Variants in CYRIA observed in about 807,000 individuals in gnomAD.
The protein encoded by CYRIA is CYFIP related Rac1 interactor A.
A neutral mutation model predicts 43.9 loss-of-function variants in CYRIA; 15 were observed. The ratio of observed to expected loss-of-function variants is 0.34; its 90% CI spans 0.23 to 0.53. CYRIA has a LOEUF of 0.53. Ranked by LOEUF, CYRIA falls within the 20% of genes least tolerant of loss-of-function variation. CYRIA has a pLI of 0.94. For missense variants in CYRIA, 236 were observed against 394.2 expected, an observed-to-expected ratio of 0.60 and a Z score of 3.40; for synonymous variants, 117 against 136.0, an observed-to-expected ratio of 0.86 and a Z score of 0.97.
At chr2:16,644,241 T>G (rs1207468456) in intron 1 of CYRIA, among the ~76,000 whole-genome samples, 2 of 152,138 alleles carry the variant, frequency 1.3e-5, no homozygotes. Context: ...AAATGCAAAG[T>G]TAGAATTGAA....
intron 2 of CYRIA, among the ~76,000 whole-genome samples, chr2:16,612,171 G>A (rs1668628553): frequency 6.6e-6 from 1 of 152,194 alleles, no homozygotes. Context: ...GGGAATGTGT[G>A]TGGCTGAATG....
intron 1 of CYRIA, among the ~76,000 whole-genome samples, chr2:16,625,396 G>A (rs944855696): frequency 2.4e-4 from 37 of 151,866 alleles, no homozygotes; most frequent in African/African-American, 8.0e-4. Flanking sequence ...GGTGGAGAAA[G>A]AGGAAGAAAA....
chr2:16,593,107 G>T (rs749975111), intron 2 of CYRIA, among the ~76,000 whole-genome samples: 1 of 151,836 alleles, frequency 6.6e-6, no homozygotes, highest in Non-Finnish European at 1.5e-5. Context: ...TACTGTAAAG[G>T]GCTGGGCAAA....
Position 16,650,342 on chromosome 2 carries a change from A to C in CYRIA, c.-167+15438T>G, listed in dbSNP as rs1669940038. 6.6e-6 allele frequency among the ~76,000 whole-genome samples: 1 copy of C among 152,256 alleles called. No homozygotes were observed. Among genetic ancestry groups the C allele is most frequent in the African/African-American group, 2.4e-5 (1 of 41,468 alleles). ...AGAAATCAACCAAAAAGAGGAGCAA[A>C]GCTATATACTCAGCTGAATGAGTAT... On this transcript the variant is annotated intron_variant, in intron 1 of 11. Coordinates refer to ENST00000381323, the MANE Select transcript of CYRIA (RefSeq NM_030797.4). This position sits in a 1 kb window ranked among gnomAD's most constrained non-coding sequence, Gnocchi z 4.1.
At chr2:16,568,517 T>A (rs1173248490) in intron 3 of CYRIA, among the ~76,000 whole-genome samples, 1 of 152,146 alleles carries the variant, frequency 6.6e-6, no homozygotes, top group South Asian at 2.1e-4. Context: ...TCTGGTAGAA[T>A]AGAATTCCAG....
intron 1 of CYRIA, among the ~76,000 whole-genome samples, chr2:16,649,793 T>C (rs938707811): frequency 7.2e-5 from 11 of 152,294 alleles, no homozygotes; most frequent in African/African-American, 2.4e-4. Flanking sequence ...GGGACAGTTA[T>C]ACAGTACAGA....
At chr2:16,614,236 G>A (rs922003823) in intron 2 of CYRIA, among the ~76,000 whole-genome samples, 1 of 152,174 alleles carries the variant, frequency 6.6e-6, no homozygotes, top group African/African-American at 2.4e-5. Flanking sequence ...ATGGACAGAT[G>A]GGAGATGGAC....
In CYRIA at chr2:16,565,889, T is replaced by C. The variant is rs763945193; in HGVS notation, c.71-122A>G. On this transcript the variant is annotated intron_variant, in intron 3 of 11. Coordinates refer to ENST00000381323, the MANE Select transcript of CYRIA (RefSeq NM_030797.4). ...ATATTCCTGCTGCTCTGGTATTTACTCTTTAACCTAATAAGCTGCTAGGAT... is the reference window on the plus strand; with the variant it reads ...ATATTCCTGCTGCTCTGGTATTTACCCTTTAACCTAATAAGCTGCTAGGAT... 4 of 949,568 alleles carry C rather than the reference T, an allele frequency of 4.2e-6. No homozygotes were observed. The East Asian group carries it at 9.1e-5, about 22-fold the overall frequency. The allele number at this position is 949,568 out of a possible 1,614,324, so 58.8% of individuals were successfully genotyped here. A position where few individuals can be genotyped will look rare whatever the true frequency, so the allele number is the denominator to read the frequency against.
At chr2:16,638,655 G>A (rs1397621170) in intron 1 of CYRIA, among the ~76,000 whole-genome samples, 1 of 152,166 alleles carries the variant, frequency 6.6e-6, no homozygotes. Context: ...GGGGCTGGGC[G>A]GACCACAGAG....
rs189875503 is a variant in CYRIA at position 16,583,867 on chromosome 2, T to G, written c.70+4183A>C. On this transcript the variant is annotated intron_variant, in intron 3 of 11. Transcript: ENST00000381323. ...AATACAAAGTATATAGAATGCACTG[T>G]AAAGGTCAGATGAGAATTTAAATCA... 7.6e-4 allele frequency among the ~76,000 whole-genome samples: 115 copies of G among 152,298 alleles called. No individual in the cohort carries two copies. In the East Asian group the frequency reaches 0.019, roughly 26 times the overall value.
At chr2:16,600,008 G>C (rs994929134) in intron 2 of CYRIA, among the ~76,000 whole-genome samples, 17 of 152,074 alleles carry the variant, frequency 1.1e-4, no homozygotes, top group African/African-American at 4.1e-4. Context: ...CACCCGCCTC[G>C]GTCTCCCAAA....
intron 10 of CYRIA, among the ~76,000 whole-genome samples, chr2:16,555,389 C>T (rs1666469515): frequency 6.6e-6 from 1 of 152,040 alleles, no homozygotes; most frequent in South Asian, 2.1e-4. Context: ...ACTTGCCTGG[C>T]TTTAGGGACA....
chr2:16,559,328 G>T, intron 10 of CYRIA, 132 bp downstream of exon 10: 2 of 1,087,508 alleles, frequency 1.8e-6, no homozygotes, highest in Non-Finnish European at 2.6e-6. Context: ...GAGGACAGCT[G>T]CCAGGATGGG....
intron 2 of CYRIA, among the ~76,000 whole-genome samples, chr2:16,613,679 G>A (rs1489486634): frequency 1.3e-5 from 2 of 152,114 alleles, no homozygotes; most frequent in African/African-American, 4.8e-5. Context: ...TACCAGACCT[G>A]GTCAGGTAGG....
intron 2 of CYRIA, among the ~76,000 whole-genome samples, chr2:16,600,816 C>G (rs1386261215): frequency 1.3e-5 from 2 of 152,116 alleles, no homozygotes; most frequent in Non-Finnish European, 2.9e-5. Flanking sequence ...CATCAGGTAG[C>G]TATAATTATC....
intron 3 of CYRIA, among the ~76,000 whole-genome samples, chr2:16,581,240 C>A (rs1667538834): frequency 6.6e-6 from 1 of 152,150 alleles, no homozygotes; most frequent in African/African-American, 2.4e-5. Flanking sequence ...AGAATTCCTA[C>A]AATTTACCAA....
intron 1 of CYRIA, among the ~76,000 whole-genome samples, chr2:16,633,626 C>G (rs1669404258): frequency 7.0e-6 from 1 of 143,058 alleles, no homozygotes; most frequent in East Asian, 2.3e-4. Context: ...AACTATCTGC[C>G]AGTCTCAGCC....
intron 2 of CYRIA, among the ~76,000 whole-genome samples, chr2:16,612,353 G>A (rs892380257): frequency 1.3e-5 from 2 of 151,488 alleles, no homozygotes; most frequent in Non-Finnish European, 2.9e-5. Flanking sequence ...AGGAAGGAAG[G>A]AAATAAGGAA....
At chr2:16,608,247 A>G (rs906929713) in intron 2 of CYRIA, among the ~76,000 whole-genome samples, 12 of 152,350 alleles carry the variant, frequency 7.9e-5, no homozygotes, top group African/African-American at 2.9e-4. Flanking sequence ...GGTGAGAGAA[A>G]CGGGTCTGAG....
Sources: allele counts gnomAD v4.1 joint callset (sites outside exome capture counted in the v4.1 genomes callset), GRCh38; gene constraint gnomAD v4.1.1; non-coding constraint Gnocchi (gnomAD v3.1); transcripts MANE v1.5; gene names NCBI Gene and HGNC (gene_info 2026-07-23, HGNC 2026-07-21).